Variants in TRPC4 observed in about 807,000 individuals in gnomAD.
TRPC4 encodes transient receptor potential cation channel subfamily C member 4.
A neutral mutation model predicts 99.4 loss-of-function variants in TRPC4; 49 were observed. The observed-to-expected ratio is 0.49, with a 90% CI of 0.39 to 0.63. The LOEUF (loss-of-function observed/expected upper bound fraction) is 0.63, where lower values mean the gene tolerates loss of function less well. Among genes scored for constraint, TRPC4 ranks in the 20% least tolerant of loss-of-function variants. The pLI is 0.00. For missense variants in TRPC4, 898 were observed against 1,152.9 expected (o/e 0.78, Z 3.20); for synonymous variants, 454 against 425.9 (o/e 1.07, Z -0.81).
chr13:37,686,260 T>TTA lies in TRPC4; in HGVS notation c.1234+5737_1234+5738dup, dbSNP rs567400769. Reference sequence around the variant, plus strand: ...AAAAATGGTCACAAGACAGGAAGAATTATATATATACGCACACACACGTAT... The same window carrying TTA: ...AAAAATGGTCACAAGACAGGAAGAATTATATATATATACGCACACACACGTAT... On this transcript the variant is annotated intron_variant, in intron 4 of 10. Transcript: ENST00000379705. Among the ~76,000 whole-genome samples, 772 of 152,030 alleles carry TTA rather than the reference T, an allele frequency of 5.1e-3. 7 individuals are homozygous for TTA. Among genetic ancestry groups the TTA allele is most frequent in the African/African-American group, 0.018 (746 of 41,478 alleles).
rs557745906 is a variant in TRPC4 at position 37,854,545 on chromosome 13, A to G, written c.-28+15050T>C. The stretch of plus-strand genomic sequence containing the variant: ...AAAACACAGAATACCATAACACTGC[A>G]ATTGTTATGTAGACAGTATAATATG... On this transcript the variant is annotated intron_variant, in intron 1 of 10. Transcript: ENST00000379705. 1.4e-4 allele frequency among the ~76,000 whole-genome samples: 21 copies of G among 152,248 alleles called. No individual in the cohort carries two copies. In the South Asian group the frequency reaches 4.1e-3, roughly 30 times the overall value.
Position 37,636,921 on chromosome 13 carries a change from G to A in TRPC4, c.2916C>T (p.Tyr972=). ...TCAAGTATCACAATCTTGTGGTCACGTAATCTTCGTGGGTGACTGTGTCTG... is the reference window on the plus strand; with the variant it reads ...TCAAGTATCACAATCTTGTGGTCACATAATCTTCGTGGGTGACTGTGTCTG... ...NLPDTVTHED[Y]VTTRL The change falls in exon 11 of 11, where the codon TAC becomes TAT. Residue 972 remains tyrosine, a synonymous_variant. Transcript: ENST00000379705. 6.2e-7 allele frequency: 1 copy of A among 1,611,352 alleles called. No individual in the cohort carries two copies. Among genetic ancestry groups the A allele is most frequent in the South Asian group, 1.1e-5 (1 of 90,756 alleles).
At position 37,855,337 on chromosome 13, in the gene TRPC4, G is replaced by GATATATATATATATATATATAT. The variant is rs59525799; in HGVS notation, c.-28+14257_-28+14258insATATATATATATATATATATAT. On this transcript the variant is annotated intron_variant, in intron 1 of 10. Transcript: ENST00000379705. ...TACACATGTAGATATATACAATGTAGATATATATATATATATATATGCACC... is the reference window on the plus strand; with the variant it reads ...TACACATGTAGATATATACAATGTAGATATATATATATATATATATATATATATATATATATATATATGCACC... Among the ~76,000 whole-genome samples, 362 of 136,484 alleles carry GATATATATATATATATATATAT rather than the reference G, an allele frequency of 2.7e-3. 4 individuals are homozygous for GATATATATATATATATATATAT. Among genetic ancestry groups the GATATATATATATATATATATAT allele is most frequent in the South Asian group, 5.6e-3 (24 of 4,322 alleles). The allele number at this position is 136,484 out of a possible 152,430, so 89.5% of individuals were successfully genotyped here.
At chr13:37,860,189 A>G (rs9603266) in intron 1 of TRPC4, among the ~76,000 whole-genome samples, 25,832 of 151,414 alleles carry the variant, frequency 0.17, 2,248 homozygotes, top group South Asian at 0.19. Context: ...TTTAAAATAA[A>G]CTATTAACAA....
Position 37,783,055 on chromosome 13 carries a change from A to T in TRPC4, c.279T>A (p.Asn93Lys). 1 of 1,613,298 alleles carries T rather than the reference A, an allele frequency of 6.2e-7. No individual in the cohort carries two copies. The highest frequency in any genetic ancestry group is 8.5e-7 in the Non-Finnish European group (1 of 1,179,704). The change falls in exon 2 of 11, where the codon AAT (asparagine) becomes AAA (lysine). Residue 93 changes from asparagine (N) to lysine (K), a missense_variant. Physicochemically the swap from Asn to Lys is moderately conservative, Grantham distance 94. Around this residue, in one of 3 missense-constraint regions of TRPC4, gnomAD observed 278 missense variants for 346.6 expected, o/e 0.80. Transcript: ENST00000379705. ...GTAATAGAGCATCTCCAACATAGAC[A>T]TTAAAGCTTAAGAGTAGTTCGATGA... is the stretch of plus-strand genomic sequence containing the variant. ...LELIELLLSF[N>K]VYVGDALLHA... is the part of the protein sequence containing the mutation.
chr13:37,804,515 T>C (rs1274545266), intron 1 of TRPC4, among the ~76,000 whole-genome samples: 2 of 152,022 alleles, frequency 1.3e-5, no homozygotes, highest in African/African-American at 4.8e-5. Context: ...TATAAAGAGG[T>C]GTTACTTTTA....
At chr13:37,788,100 G>A (rs1004957815) in intron 1 of TRPC4, among the ~76,000 whole-genome samples, 8 of 151,878 alleles carry the variant, frequency 5.3e-5, no homozygotes, top group African/African-American at 1.9e-4. Flanking sequence ...TAGAAAATAC[G>A]CATCAATCTA....
At chr13:37,706,633 C>T (rs75004318) in intron 3 of TRPC4, among the ~76,000 whole-genome samples, 49,078 of 150,394 alleles carry the variant, frequency 0.33, 8,838 homozygotes, top group Middle Eastern at 0.45. Flanking sequence ...CCCCCCTACC[C>T]CCACCCCACA....
At chr13:37,767,133 G>T (rs1257618555) in intron 2 of TRPC4, among the ~76,000 whole-genome samples, 1 of 151,116 alleles carries the variant, frequency 6.6e-6, no homozygotes, top group African/African-American at 2.4e-5. Flanking sequence ...TGTTTAAACT[G>T]CCAGTGTATT....
intron 5 of TRPC4, among the ~76,000 whole-genome samples, chr13:37,671,979 G>C (rs9548011): frequency 0.13 from 19,308 of 152,202 alleles, 1,570 homozygotes; most frequent in Middle Eastern, 0.25. Flanking sequence ...TAATTACTGT[G>C]TACTGCTCCA....
intron 1 of TRPC4, among the ~76,000 whole-genome samples, chr13:37,800,103 T>C (rs1396479700): frequency 6.6e-6 from 1 of 152,244 alleles, no homozygotes; most frequent in East Asian, 1.9e-4. Context: ...GAATAATTTG[T>C]TAAAATGTTG....
intron 1 of TRPC4, among the ~76,000 whole-genome samples, chr13:37,831,066 TGTTA>T (rs1451408828): frequency 6.6e-6 from 1 of 151,916 alleles, no homozygotes; most frequent in Non-Finnish European, 1.5e-5. Flanking sequence ...CTCTTCGCTC[TGTTA>T]GTTGTTTCTT....
At chr13:37,810,867 T>C (rs1461295294) in intron 1 of TRPC4, among the ~76,000 whole-genome samples, 2 of 152,072 alleles carry the variant, frequency 1.3e-5, no homozygotes, top group Non-Finnish European at 2.9e-5. Flanking sequence ...CTCTAGTTTA[T>C]CTCTCCAACA....
Position 37,821,223 on chromosome 13 carries a change from C to CACACACACAA in TRPC4, c.-27-37873_-27-37864dup, listed in dbSNP as rs1161181434. Among the ~76,000 whole-genome samples, 7 of 150,260 alleles carry CACACACACAA rather than the reference C, an allele frequency of 4.7e-5. No individual in the cohort carries two copies. The East Asian group carries it at 1.4e-3, about 30-fold the overall frequency. On this transcript the variant is annotated intron_variant, in intron 1 of 10. Transcript: ENST00000379705. ...ACACACACACACACACACACACACA[C>CACACACACAA]ACACACACAAATACCTAGGAATACA...
chr13:37,805,567 G>C (rs1055375809), intron 1 of TRPC4, among the ~76,000 whole-genome samples: 14 of 151,978 alleles, frequency 9.2e-5, no homozygotes, highest in African/African-American at 3.1e-4. Context: ...ATTGGACAGG[G>C]ACTCTTCTCT....
intron 1 of TRPC4, among the ~76,000 whole-genome samples, chr13:37,839,006 T>C (rs1186844629): frequency 6.6e-6 from 1 of 152,212 alleles, no homozygotes; most frequent in East Asian, 1.9e-4. Flanking sequence ...TCTGATATCA[T>C]GCTCTTATAT....
At chr13:37,642,481 G>T (rs1047789366) in intron 8 of TRPC4, among the ~76,000 whole-genome samples, 1 of 152,094 alleles carries the variant, frequency 6.6e-6, no homozygotes, top group Non-Finnish European at 1.5e-5. Flanking sequence ...GGGGATGGGA[G>T]TTCCATCTTT....
At chr13:37,745,461 TATATATATATATACAC>T (rs796818447) in intron 3 of TRPC4, among the ~76,000 whole-genome samples, 4,189 of 15,314 alleles carry the variant, frequency 0.27, 144 homozygotes, top group Non-Finnish European at 0.33. Context: ...TATATATATA[TATATATATATATACAC>T]ACACACACAC....
intron 1 of TRPC4, among the ~76,000 whole-genome samples, chr13:37,830,801 T>TTG (rs1466688489): frequency 2.1e-5 from 2 of 95,724 alleles, no homozygotes; most frequent in African/African-American, 1.0e-4. Context: ...TATATATTTT[T>TTG]TGTATATATA....
Sources: allele counts gnomAD v4.1 joint callset (sites outside exome capture counted in the v4.1 genomes callset), GRCh38; gene constraint gnomAD v4.1.1; regional missense constraint gnomAD v4.1.1; transcripts MANE v1.5; gene names NCBI Gene and HGNC (gene_info 2026-07-23, HGNC 2026-07-21).